Variants in GOLGA2 observed in about 807,000 individuals in gnomAD.
The protein encoded by GOLGA2 is golgin A2.
Under a neutral mutation model 148.8 loss-of-function variants are expected in GOLGA2, and 49 were observed. The ratio of observed to expected loss-of-function variants is 0.33; its 90% confidence interval spans 0.26 to 0.42. The LOEUF (loss-of-function observed/expected upper bound fraction) is 0.42, where lower values mean the gene tolerates loss of function less well. Among genes scored for constraint, GOLGA2 ranks in the 10% least tolerant of loss-of-function variants. The pLI, the probability that GOLGA2 is intolerant of heterozygous loss-of-function variation, is 1.00. For synonymous variants in GOLGA2, 501 were observed against 511.8 expected (o/e 0.98, Z 0.28); for missense variants, 1,178 against 1,304.6 (o/e 0.90, Z 1.49).
rs1483799004 is a variant in GOLGA2 at position 128,265,623 on chromosome 9, G to A, written c.895C>T (p.Leu299Phe). The change falls in exon 12 of 27, where the codon CTC becomes TTC. Residue 299 changes from leucine (L) to phenylalanine (F), a missense_variant. Physicochemically the swap from Leu to Phe is conservative, Grantham distance 22. Coordinates refer to ENST00000611957, the MANE Select transcript of GOLGA2 (RefSeq NM_001366244.2). ...TTCTGCTGCGTGGAGACAGCAGAGA[G>A]AGCCCGCTCCAACTCTCCCACACGC... The part of the protein sequence containing the change: ...RRRVGELERA[L>F]SAVSTQQKKA... 3.1e-6 allele frequency: 5 copies of A among 1,613,650 alleles called. No individual in the cohort carries two copies. Among genetic ancestry groups the A allele is most frequent in the African/African-American group, 1.3e-5 (1 of 74,930 alleles).
chr9:128,270,800 C>T (rs1169282270), intron 3 of GOLGA2, among the ~76,000 whole-genome samples: 1 of 152,122 alleles, frequency 6.6e-6, no homozygotes, highest in Non-Finnish European at 1.5e-5. Flanking sequence ...AATCTCAGCA[C>T]TTTGGGAGGC....
rs376863046 is a variant in GOLGA2, at chr9:128,260,041, C to T, written c.1872+35G>A. The T allele has an allele frequency of 5.3e-5, 78 of 1,468,272 alleles. No individual in the cohort carries two copies. Among genetic ancestry groups the T allele is most frequent in the East Asian group, 6.8e-5 (3 of 44,272 alleles). The allele number at this position is 1,468,272 out of a possible 1,614,324, so 91.0% of individuals were successfully genotyped here. A position where few individuals can be genotyped will look rare whatever the true frequency, so the allele number is the denominator to read the frequency against. ...CCACCCCTCCCCAGAGGCTGGTGCCCGCCTCCCAGCCCTTCTTGGATGGGG... is the reference window on the plus strand; with the variant it reads ...CCACCCCTCCCCAGAGGCTGGTGCCTGCCTCCCAGCCCTTCTTGGATGGGG... On this transcript the variant is annotated intron_variant, in intron 19 of 26. Transcript: ENST00000611957. This position sits in a 1 kb window ranked among gnomAD's most constrained non-coding sequence, Gnocchi z 4.8.
intron 12 of GOLGA2, among the ~76,000 whole-genome samples, chr9:128,263,922 C>T (rs543291369): frequency 1.3e-4 from 19 of 147,878 alleles, no homozygotes; most frequent in Admixed American, 8.7e-4. Context: ...TTTGGGAGGC[C>T]GAGGGGGACG....
chr9:128,262,271 G>A (rs1381133327), intron 14 of GOLGA2, among the ~76,000 whole-genome samples: 1 of 151,392 alleles, frequency 6.6e-6, no homozygotes, highest in East Asian at 1.9e-4. Flanking sequence ...AGACTCATGA[G>A]CTAGCCATAT....
In GOLGA2 at chr9:128,256,871, AT is replaced by A. The variant is rs199544815; in HGVS notation, c.*195del. ...ACTTTTTTTAATCCCATAACTTTTA[AT>A]TTTTTTTTAATTTAGTGGCCAGCTT... On this transcript the variant is annotated 3_prime_UTR_variant, in exon 27 of 27. Transcript: ENST00000611957. The A allele has an allele frequency of 3.6e-4, 171 of 470,014 alleles. No homozygotes were observed. The highest frequency in any genetic ancestry group is 4.9e-4 in the South Asian group (12 of 24,494). The allele number at this position is 470,014 out of a possible 1,614,324, so 29.1% of individuals were successfully genotyped here. A position where few individuals can be genotyped will look rare whatever the true frequency, so the allele number is the denominator to read the frequency against.
In GOLGA2 at chr9:128,257,477, G is replaced by A. The variant is rs368175525; in HGVS notation, c.2767C>T (p.Arg923Cys). ...QELVLRLVGD[R>C]NEWHGRFLAA... ...AGGAATCTGCCATGCCACTCGTTGC[G>A]GTCGCCCACAAGCCGTAAGACCAGC... Residue 923 changes from arginine (R) to cysteine (C), a missense_variant, in exon 26 of 27, where the codon CGC (arginine) becomes TGC (cysteine). This residue lies in a region of GOLGA2 where 149 missense variants were observed against 154.9 expected (regional missense o/e 0.96). Coordinates refer to ENST00000611957, the MANE Select transcript of GOLGA2 (RefSeq NM_001366244.2). This position sits in a 1 kb window ranked among gnomAD's most constrained non-coding sequence, Gnocchi z 8.0. 4.9e-5 allele frequency: 79 copies of A among 1,613,272 alleles called. No individual in the cohort carries two copies. Among genetic ancestry groups the A allele is most frequent in the East Asian group, 1.3e-4 (6 of 44,892 alleles).
rs1830248383 is a variant in GOLGA2, at chr9:128,261,162, C to A, written c.1420+10G>T. On this transcript the variant is annotated intron_variant, in intron 17 of 26. Coordinates refer to ENST00000611957, the MANE Select transcript of GOLGA2 (RefSeq NM_001366244.2). The surrounding 1 kb of genome is among the most constrained non-coding windows in gnomAD (Gnocchi z 5.7). ...ATTCCTGCTCCCAGGTCACCCCAGC[C>A]CCAGCTTACCCATCTGGTTCCTCAG... The A allele has an allele frequency of 1.9e-6, 3 of 1,594,734 alleles. No homozygotes were observed. Among genetic ancestry groups the A allele is most frequent in the Non-Finnish European group, 2.6e-6 (3 of 1,162,422 alleles).
chr9:128,269,473 G>T (rs1830798806), intron 3 of GOLGA2, among the ~76,000 whole-genome samples: 1 of 152,146 alleles, frequency 6.6e-6, no homozygotes. Context: ...AAGTTGTAGG[G>T]CCTCTTTCCT....
chr9:128,272,127 G>GTT (rs796122725), intron 3 of GOLGA2, among the ~76,000 whole-genome samples: 5 of 138,234 alleles, frequency 3.6e-5, no homozygotes, highest in African/African-American at 7.9e-5. Context: ...GTTTTTTTGT[G>GTT]TTTTTTTTTT....
intron 3 of GOLGA2, among the ~76,000 whole-genome samples, chr9:128,270,764 G>A (rs924446630): frequency 6.6e-6 from 1 of 152,114 alleles, no homozygotes. Flanking sequence ...AACAGCAAGG[G>A]GCTGGGCATG....
chr9:128,260,569 G>A lies in GOLGA2; in HGVS notation c.1654C>T (p.Leu552=). The A allele has an allele frequency of 1.2e-6, 2 of 1,612,506 alleles. No individual in the cohort carries two copies. The highest frequency in any genetic ancestry group is 2.2e-5 in the East Asian group (1 of 44,872). ...GTGCGGTCGTTCTGCATGGTCTCCA[G>A]GATTTGCCTGCGCGCCTCCGCCTGC... The part of the protein sequence containing the change: ...GEQAEARRQI[L]ETMQNDRTTI... The change falls in exon 18 of 27, where the codon CTG becomes TTG. Residue 552 remains leucine, a synonymous_variant. Coordinates refer to ENST00000611957, the MANE Select transcript of GOLGA2 (RefSeq NM_001366244.2). This position sits in a 1 kb window ranked among gnomAD's most constrained non-coding sequence, Gnocchi z 4.8.
Position 128,261,025 on chromosome 9 carries a change from A to T in GOLGA2, c.1420+147T>A, listed in dbSNP as rs972494828. 5.6e-6 allele frequency: 4 copies of T among 714,666 alleles called. No individual in the cohort carries two copies. The highest frequency in any genetic ancestry group is 3.3e-5 in the South Asian group (2 of 60,534). The allele number at this position is 714,666 out of a possible 1,614,324, so 44.3% of individuals were successfully genotyped here. On this transcript the variant is annotated intron_variant, in intron 17 of 26. Transcript: ENST00000611957. This position sits in a 1 kb window ranked among gnomAD's most constrained non-coding sequence, Gnocchi z 5.7. ...TGATGGGGCACTGAGGCTCATGGAG[A>T]TGACGAGACTTGCCATCTCCTGGCA...
chr9:128,273,751 T>G, intron 2 of GOLGA2, 99 bp downstream of exon 2: 1 of 1,439,766 alleles, frequency 6.9e-7, no homozygotes, highest in Non-Finnish European at 9.5e-7. Context: ...AACCCAGAAC[T>G]CTTAATCAGT....
chr9:128,258,541 C>T lies in GOLGA2; in HGVS notation c.2203G>A (p.Asp735Asn). ...GCCTCCTCCTCCTCCTCCTCCTCAT[C>T]CTCCTCCTCCTCCCGGTCCAGTCCA... ...GDGLDREEEEDEEEEEEEAVA... is the reference protein window; with the variant it reads ...GDGLDREEEENEEEEEEEAVA... The change falls in exon 22 of 27, where the codon GAT becomes AAT. Residue 735 changes from aspartate (D) to asparagine (N), a missense_variant. Coordinates refer to ENST00000611957, the MANE Select transcript of GOLGA2 (RefSeq NM_001366244.2). The surrounding 1 kb of genome is among the most constrained non-coding windows in gnomAD (Gnocchi z 6.6). 1.3e-6 allele frequency: 2 copies of T among 1,526,100 alleles called. No homozygotes were observed. Among genetic ancestry groups the T allele is most frequent in the East Asian group, 2.4e-5 (1 of 40,830 alleles). The allele number at this position is 1,526,100 out of a possible 1,614,324, so 94.5% of individuals were successfully genotyped here.
intron 3 of GOLGA2, among the ~76,000 whole-genome samples, chr9:128,270,343 G>A (rs1336233243): frequency 1.3e-5 from 2 of 151,956 alleles, no homozygotes; most frequent in African/African-American, 4.8e-5. Flanking sequence ...TGTTGGCCAG[G>A]CTGCTCTCGA....
intron 12 of GOLGA2, among the ~76,000 whole-genome samples, chr9:128,264,673 C>A (rs150198033): frequency 0.037 from 5,600 of 152,168 alleles, 353 homozygotes; most frequent in African/African-American, 0.13. Flanking sequence ...GTTGACCCAC[C>A]TGCCTCGGCC....
intron 1 of GOLGA2, chr9:128,275,414 G>A: frequency 7.7e-7 from 1 of 1,293,118 alleles, no homozygotes; most frequent in Non-Finnish European, 9.8e-7. Flanking sequence ...CGCGATGGGG[G>A]AGGGGACCGC....
In GOLGA2 at chr9:128,256,798, T is replaced by C. The variant is rs1829891680; in HGVS notation, c.*269A>G. 2 of 256,452 alleles carry C rather than the reference T, an allele frequency of 7.8e-6. No individual in the cohort carries two copies. Among genetic ancestry groups the C allele is most frequent in the Admixed American group, 5.1e-5 (1 of 19,612 alleles). 15.9% of individuals were successfully genotyped at this position (256,452 alleles called of 1,614,324 possible). On this transcript the variant is annotated 3_prime_UTR_variant, in exon 27 of 27. Transcript: ENST00000611957. ...CGTGAGCCACTGCACCTGGCCTTTT[T>C]TCATAACTTTTATACCATAAGTTAC...
At chr9:128,265,508 G>T in intron 12 of GOLGA2, 77 bp downstream of exon 12, 1 of 1,078,612 alleles carries the variant, frequency 9.3e-7, no homozygotes, top group Non-Finnish European at 1.4e-6. Flanking sequence ...AGTCAACCCT[G>T]CAGAAGGGAC....
Sources: gnomAD v4.1 joint callset for allele counts (sites outside exome capture counted in the v4.1 genomes callset) on GRCh38, gnomAD v4.1.1 for gene constraint, gnomAD v4.1.1 regional missense constraint, Gnocchi (gnomAD v3.1) non-coding constraint, MANE v1.5 for transcripts, NCBI Gene and HGNC (gene_info 2026-07-23, HGNC 2026-07-21) for gene names.